Variants in GSR observed in about 807,000 individuals in gnomAD.
The protein encoded by GSR is glutathione-disulfide reductase.
GSR carries 48 observed loss-of-function variants against 56.5 expected under a neutral mutation model. The observed-to-expected ratio is 0.85, with a 90% CI of 0.67 to 1.08. GSR has a LOEUF of 1.08. Ranked by LOEUF, GSR falls within the 50% of genes least tolerant of loss-of-function variation. GSR has a pLI of 0.00. For synonymous variants in GSR, 264 were observed against 270.8 expected, an observed-to-expected ratio of 0.97 and a Z score of 0.25; for missense variants, 694 against 703.3, an observed-to-expected ratio of 0.99 and a Z score of 0.15.
At chr8:30,713,151 C>A (rs755123106) in intron 1 of GSR, among the ~76,000 whole-genome samples, 8 of 152,122 alleles carry the variant, frequency 5.3e-5, no homozygotes, top group Non-Finnish European at 1.2e-4. Flanking sequence ...ATTCTCCTGC[C>A]TCAGCCTCTT....
At chr8:30,681,874 G>C (rs1489504050) in intron 11 of GSR, 56 bp downstream of exon 11, 1 of 1,549,386 alleles carries the variant, frequency 6.5e-7, no homozygotes, top group Non-Finnish European at 8.9e-7. Context: ...TTTAAAGTTG[G>C]GGGCAGGGGA....
intron 5 of GSR, among the ~76,000 whole-genome samples, chr8:30,702,364 G>T (rs981575039): frequency 2.0e-5 from 3 of 151,934 alleles, no homozygotes; most frequent in Non-Finnish European, 4.4e-5. Flanking sequence ...AAATGCAAAA[G>T]AAGTTATGAC....
intron 2 of GSR, among the ~76,000 whole-genome samples, chr8:30,710,562 CA>C (rs999923556): frequency 1.3e-5 from 2 of 148,446 alleles, no homozygotes; most frequent in Admixed American, 6.7e-5. Flanking sequence ...AATAAAAATA[CA>C]AAAAAAATTA....
intron 8 of GSR, among the ~76,000 whole-genome samples, chr8:30,691,330 G>A (rs1410435534): frequency 6.6e-6 from 1 of 151,994 alleles, no homozygotes; most frequent in Non-Finnish European, 1.5e-5. Context: ...ACTCCAGCCT[G>A]GGTGACAGAG....
rs1195868083 is a variant in GSR at position 30,724,098 on chromosome 8, A to G, written c.306+3432T>C. Among the ~76,000 whole-genome samples the G allele has an allele frequency of 2.6e-5, 4 of 152,230 alleles. No homozygotes were observed. In the East Asian group the frequency reaches 7.7e-4, roughly 29 times the overall value. ...AACCAATCTTAAACTTCTGCCGTGC[A>G]CAGTGGCTCACGCCTGTAATCCTAA... On this transcript the variant is annotated intron_variant, in intron 1 of 12. Transcript: ENST00000221130.
At chr8:30,708,497 A>C (rs1044860629) in intron 3 of GSR, among the ~76,000 whole-genome samples, 1 of 152,210 alleles carries the variant, frequency 6.6e-6, no homozygotes, top group Non-Finnish European at 1.5e-5. Context: ...CAAAACTGTT[A>C]ATGGCTTCAA....
intron 10 of GSR, among the ~76,000 whole-genome samples, 187 bp downstream of exon 10, chr8:30,683,900 TA>T (rs1392690709): frequency 2.0e-5 from 3 of 152,200 alleles, no homozygotes; most frequent in African/African-American, 7.2e-5. Flanking sequence ...CTAAGCATTT[TA>T]AGTCTTTTAT....
At chr8:30,716,044 G>A (rs928927586) in intron 1 of GSR, among the ~76,000 whole-genome samples, 53 of 152,096 alleles carry the variant, frequency 3.5e-4, no homozygotes, top group Admixed American at 1.2e-3. Context: ...CTTCTACGTC[G>A]TCTTAGCTTG....
chr8:30,727,664 C>T lies in GSR; in HGVS notation c.172G>A (p.Ala58Thr). 2 of 1,449,606 alleles carry T rather than the reference C, an allele frequency of 1.4e-6. No homozygotes were observed. The highest frequency in any genetic ancestry group is 2.2e-4 in the Middle Eastern group (1 of 4,592). 89.8% of individuals were successfully genotyped at this position (1,449,606 alleles called of 1,614,324 possible). Residue 58 changes from alanine (A) to threonine (T), a missense_variant, in exon 1 of 13, where the codon GCT becomes ACT. Physicochemically the swap from Ala to Thr is moderately conservative, Grantham distance 58. Coordinates refer to ENST00000221130, the MANE Select transcript of GSR (RefSeq NM_000637.5). ...QEPQPQGPPP[A>T]AGAVASYDYL... The stretch of plus-strand genomic sequence containing the variant: ...TCATAGGAGGCCACGGCGCCAGCAG[C>T]GGGCGGCGGGCCCTGCGGCTGCGGC...
chr8:30,708,233 A>C, intron 3 of GSR, 92 bp from the exon 4 acceptor site: 1 of 903,556 alleles, frequency 1.1e-6, no homozygotes, highest in Non-Finnish European at 1.9e-6. Context: ...CCGAGCAGAG[A>C]ATCACTGACT....
chr8:30,698,820 G>A (rs975712709), intron 6 of GSR, among the ~76,000 whole-genome samples: 1 of 152,086 alleles, frequency 6.6e-6, no homozygotes, highest in African/African-American at 2.4e-5. Context: ...GTGCCACTCA[G>A]AAGATGAATG....
chr8:30,696,256 A>G, intron 7 of GSR, 124 bp downstream of exon 7: 1 of 777,644 alleles, frequency 1.3e-6, no homozygotes, highest in Non-Finnish European at 2.3e-6. Flanking sequence ...ACAGCACCAT[A>G]TGAAACCAAC....
intron 1 of GSR, among the ~76,000 whole-genome samples, chr8:30,715,509 C>T (rs1471527122): frequency 1.3e-5 from 2 of 152,148 alleles, no homozygotes; most frequent in Non-Finnish European, 2.9e-5. Context: ...AAGAACAATG[C>T]TAGCCCCATA....
chr8:30,682,718 CTA>C (rs1166521947), intron 10 of GSR, among the ~76,000 whole-genome samples: 2 of 152,034 alleles, frequency 1.3e-5, no homozygotes, highest in Non-Finnish European at 2.9e-5. Context: ...ATGGAACAAG[CTA>C]TATTAGTTTT....
In GSR at chr8:30,678,688, GA is replaced by G. The variant is rs1802830969; in HGVS notation, c.*831del. 6.6e-6 allele frequency: 1 copy of G among 151,654 alleles called. No individual in the cohort carries two copies. The allele number at this position is 151,654 out of a possible 1,614,324, so 9.4% of individuals were successfully genotyped here. On this transcript the variant is annotated 3_prime_UTR_variant, in exon 13 of 13. Transcript: ENST00000221130. Reference sequence around the variant, plus strand: ...CAAACTATTTTTAATCATTAAAAAAGAAAAAAGAAAATAAGGCAGGCCGGCT... The same window carrying G: ...CAAACTATTTTTAATCATTAAAAAAGAAAAAGAAAATAAGGCAGGCCGGCT...
At chr8:30,690,906 AT>A (rs1365913605) in intron 8 of GSR, among the ~76,000 whole-genome samples, 1 of 150,624 alleles carries the variant, frequency 6.6e-6, no homozygotes, top group Non-Finnish European at 1.5e-5. Context: ...GTCTACAAAA[AT>A]TTTTTTTTTA....
At chr8:30,680,201 T>A (rs8191036) in intron 12 of GSR, among the ~76,000 whole-genome samples, 2 of 152,080 alleles carry the variant, frequency 1.3e-5, no homozygotes, top group African/African-American at 4.8e-5. Flanking sequence ...CATAGGCTAC[T>A]GAGGAATGTT....
Position 30,693,498 on chromosome 8 carries a change from G to A in GSR, c.796-443C>T, listed in dbSNP as rs1803453592. Among the ~76,000 whole-genome samples, 3 of 152,050 alleles carry A rather than the reference G, an allele frequency of 2.0e-5. 1 individual carries two copies. The highest frequency in any genetic ancestry group is 4.4e-5 in the Non-Finnish European group (3 of 68,004). On this transcript the variant is annotated intron_variant, in intron 7 of 12. Transcript: ENST00000221130. The stretch of plus-strand genomic sequence containing the variant: ...GACCATCCACATGTGGAGTTCAGGT[G>A]GGAGGTCATGAGTTATTCACAGAGT...
At chr8:30,683,383 G>A (rs980017447) in intron 10 of GSR, among the ~76,000 whole-genome samples, 2 of 152,192 alleles carry the variant, frequency 1.3e-5, no homozygotes, top group African/African-American at 2.4e-5. Context: ...AGTAGATCAA[G>A]TGATCATTAA....
Sources: gnomAD v4.1 joint callset for allele counts (sites outside exome capture counted in the v4.1 genomes callset) on GRCh38, gnomAD v4.1.1 for gene constraint, MANE v1.5 for transcripts, NCBI Gene and HGNC (gene_info 2026-07-23, HGNC 2026-07-21) for gene names.